PCCA: variants seen among roughly 807,000 people sequenced by gnomAD.
PCCA encodes the protein propionyl-CoA carboxylase alpha chain, mitochondrial.
PCCA carries 74 observed loss-of-function variants against 101.3 expected under a neutral mutation model. The observed-to-expected ratio is 0.73, with a 90% CI of 0.61 to 0.89. The LOEUF (loss-of-function observed/expected upper bound fraction) is 0.89, where lower values mean the gene tolerates loss of function less well. Ranked by LOEUF, PCCA falls within the 40% of genes least tolerant of loss-of-function variation. The pLI, the probability that PCCA is intolerant of heterozygous loss-of-function variation, is 0.00. For missense variants in PCCA, 891 were observed against 907.0 expected (o/e 0.98, Z 0.23); for synonymous variants, 294 against 313.6 (o/e 0.94, Z 0.66).
rs115125150 is a variant in PCCA at position 100,433,172 on chromosome 13, C to T, written c.1845+7441C>T. Among the ~76,000 whole-genome samples the T allele has an allele frequency of 5.1e-3, 772 of 152,310 alleles. 5 individuals carry two copies. Among genetic ancestry groups the T allele is most frequent in the African/African-American group, 0.017 (723 of 41,580 alleles). ...GCCCAGAAGTGGAATTGCTGGATCA[C>T]GTGGTAATTGTATGTTTAATTTTTT... On this transcript the variant is annotated intron_variant, in intron 20 of 23. Transcript: ENST00000376285.
At chr13:100,171,715 C>A (rs1009519777) in intron 6 of PCCA, among the ~76,000 whole-genome samples, 6 of 152,124 alleles carry the variant, frequency 3.9e-5, no homozygotes, top group African/African-American at 1.4e-4. Context: ...TAGGAAAACC[C>A]CATCTCTACA....
chr13:100,227,390 G>T (rs187002241), intron 7 of PCCA, among the ~76,000 whole-genome samples: 1 of 152,198 alleles, frequency 6.6e-6, no homozygotes, highest in East Asian at 1.9e-4. Context: ...CTCTTTTCAC[G>T]TTTTTTCTGG....
intron 16 of PCCA, among the ~76,000 whole-genome samples, chr13:100,328,285 C>T (rs2068946264): frequency 6.6e-6 from 1 of 151,610 alleles, no homozygotes; most frequent in Non-Finnish European, 1.5e-5. Context: ...ATCGCTTGAA[C>T]CTAGGAGACA....
intron 4 of PCCA, among the ~76,000 whole-genome samples, chr13:100,113,671 C>T (rs372329056): frequency 5.9e-5 from 9 of 151,340 alleles, no homozygotes; most frequent in Non-Finnish European, 7.4e-5. Context: ...CTCTGTCTCC[C>T]GGGTTCAAGC....
At chr13:100,486,387 C>T (rs2084373580) in intron 21 of PCCA, among the ~76,000 whole-genome samples, 2 of 152,208 alleles carry the variant, frequency 1.3e-5, no homozygotes, top group South Asian at 4.1e-4. Context: ...CAGTAACATT[C>T]ACCACCGTGT....
chr13:100,209,907 C>T (rs568469157), intron 7 of PCCA, among the ~76,000 whole-genome samples: 1 of 152,150 alleles, frequency 6.6e-6, no homozygotes, highest in East Asian at 1.9e-4. Context: ...GCTGGGATTA[C>T]AGGCGTGAGT....
chr13:100,127,351 T>C (rs2050055450), intron 4 of PCCA, among the ~76,000 whole-genome samples: 1 of 152,194 alleles, frequency 6.6e-6, no homozygotes, highest in African/African-American at 2.4e-5. Context: ...CTGAAGTTAC[T>C]TTTTACTTAT....
intron 21 of PCCA, chr13:100,477,202 T>A (rs1441350900): frequency 6.6e-6 from 1 of 152,242 alleles, no homozygotes; most frequent in Non-Finnish European, 1.5e-5. Flanking sequence ...ATCTACCTCA[T>A]TGGCGACAGT....
intron 21 of PCCA, among the ~76,000 whole-genome samples, chr13:100,456,510 C>T (rs909806079): frequency 3.9e-5 from 6 of 152,096 alleles, no homozygotes; most frequent in Admixed American, 2.0e-4. Context: ...ATGCGGAGAC[C>T]GGTAGTGGCC....
intron 4 of PCCA, among the ~76,000 whole-genome samples, chr13:100,137,804 C>CTTTTTTTTTTT (rs34819598): frequency 6.9e-6 from 1 of 144,370 alleles, no homozygotes; most frequent in Non-Finnish European, 1.5e-5. Flanking sequence ...ATGTTTAAGT[C>CTTTTTTTTTTT]TTTTTTTTTT....
At chr13:100,266,778 C>T (rs1250491618) in intron 10 of PCCA, among the ~76,000 whole-genome samples, 1 of 152,166 alleles carries the variant, frequency 6.6e-6, no homozygotes, top group African/African-American at 2.4e-5. Context: ...GCACTACTGG[C>T]ATTTCCTGGG....
chr13:100,375,447 A>C (rs537255499), intron 19 of PCCA, among the ~76,000 whole-genome samples: 139 of 152,216 alleles, frequency 9.1e-4, no homozygotes, highest in Middle Eastern at 3.4e-3. Context: ...TCATTGATCT[A>C]ATATTGACAG....
chr13:100,282,949 A>G (rs1412360678), intron 12 of PCCA, among the ~76,000 whole-genome samples: 1 of 152,070 alleles, frequency 6.6e-6, no homozygotes, highest in Non-Finnish European at 1.5e-5. Context: ...CCAAAGGACC[A>G]CAAAACCCTC....
At chr13:100,472,436 A>T (rs931131035) in intron 21 of PCCA, among the ~76,000 whole-genome samples, 1 of 151,852 alleles carries the variant, frequency 6.6e-6, no homozygotes, top group African/African-American at 2.4e-5. Flanking sequence ...GTACCTGCGT[A>T]TTTTCATTTA....
rs186900872 is a variant in PCCA, at chr13:100,242,857, A to G, written c.637+6979A>G. On this transcript the variant is annotated intron_variant, in intron 8 of 23. Transcript: ENST00000376285. ...ATTTTTCTTTGCAAATGATTGCTTT[A>G]TATTAATTTGATTACTATTTTATAG... Among the ~76,000 whole-genome samples, 8 of 152,220 alleles carry G rather than the reference A, an allele frequency of 5.3e-5. No individual in the cohort carries two copies. In the East Asian group the frequency reaches 1.4e-3, roughly 26 times the overall value.
chr13:100,297,770 C>T (rs2065669208), intron 12 of PCCA, among the ~76,000 whole-genome samples: 3 of 152,194 alleles, frequency 2.0e-5, no homozygotes, highest in Middle Eastern at 6.8e-3. Flanking sequence ...TTATAAGGCA[C>T]GATTATGTCC....
chr13:100,259,962 G>C (rs1479466346), intron 9 of PCCA, among the ~76,000 whole-genome samples: 1 of 152,184 alleles, frequency 6.6e-6, no homozygotes, highest in East Asian at 1.9e-4. Flanking sequence ...ATAGGTTGTT[G>C]GCGATGCTTT....
chr13:100,108,306 G>T (rs137993720), intron 2 of PCCA, among the ~76,000 whole-genome samples: 22 of 152,260 alleles, frequency 1.4e-4, no homozygotes, highest in Admixed American at 3.9e-4. Context: ...TATCTCTTCT[G>T]GTACCTGAAT....
chr13:100,400,983 C>A (rs1000683875), intron 19 of PCCA, among the ~76,000 whole-genome samples: 6 of 151,870 alleles, frequency 4.0e-5, no homozygotes, highest in Middle Eastern at 3.4e-3. Context: ...GAAAGACTTT[C>A]CAAAAAGAAA....
Sources: gnomAD v4.1 joint callset for allele counts (sites outside exome capture counted in the v4.1 genomes callset) on GRCh38, gnomAD v4.1.1 for gene constraint, MANE v1.5 for transcripts, NCBI Gene and HGNC (gene_info 2026-07-23, HGNC 2026-07-21) for gene names.